Variants in OTOGL observed in about 807,000 individuals in gnomAD.
The protein encoded by OTOGL is otogelin-like protein.
OTOGL carries 285 observed loss-of-function variants against 318.5 expected under a neutral mutation model. That is an observed-to-expected ratio of 0.89 (90% CI 0.81 to 0.99). The LOEUF is 0.99. OTOGL is among the 50% of genes least tolerant of loss of function. The probability of loss-of-function intolerance (pLI) is 0.00; values close to 1 mark genes in which losing one functional copy is unlikely to be tolerated. For synonymous variants in OTOGL, 987 were observed against 936.5 expected, an observed-to-expected ratio of 1.05 and a Z score of -0.99; for missense variants, 2,899 against 2,845.6, an observed-to-expected ratio of 1.02 and a Z score of -0.43.
intron 1 of OTOGL, among the ~76,000 whole-genome samples, chr12:80,142,962 C>T (rs903666621): frequency 7.2e-5 from 11 of 151,990 alleles, no homozygotes; most frequent in Admixed American, 1.3e-4. Context: ...GGACTTGGGA[C>T]CACTCAGGCA....
intron 5 of OTOGL, 27 bp from the exon 6 acceptor site, chr12:80,219,787 T>C (rs377373248): frequency 4.3e-6 from 6 of 1,396,724 alleles, no homozygotes; most frequent in Non-Finnish European, 4.9e-6. Context: ...TGCCAGAAGA[T>C]AACTTTTTTT....
chr12:80,233,092 TG>T lies in OTOGL; in HGVS notation c.813del (p.Gln272LysfsTer59). The T allele has an allele frequency of 6.3e-7, 1 of 1,590,244 alleles. No individual in the cohort carries two copies. The highest frequency in any genetic ancestry group is 8.5e-7 in the Non-Finnish European group (1 of 1,171,700). ...ATTCAATCTGATGATTTCATAATTC[TG>T]CAAGGTAAGTGAAGCAGAATAAATG... ...NDIQSDDFII[L>X]QEDYTEDIAM... On this transcript the variant is annotated frameshift_variant, in exon 9 of 59. Coordinates refer to ENST00000547103, the MANE Select transcript of OTOGL (RefSeq NM_001378609.3). LOFTEE classifies it high-confidence loss of function.
At chr12:80,368,436 C>G (rs914520199) in intron 55 of OTOGL, 127 bp downstream of exon 55, 42 of 503,610 alleles carry the variant, frequency 8.3e-5, no homozygotes, top group Non-Finnish European at 1.5e-4. Context: ...ACCTACAGCA[C>G]ACAAGACACA....
chr12:80,160,634 G>T (rs903862838), intron 1 of OTOGL, among the ~76,000 whole-genome samples: 2 of 152,148 alleles, frequency 1.3e-5, no homozygotes, highest in Non-Finnish European at 2.9e-5. Context: ...CACTGCTGGT[G>T]GGAATGTAAA....
chr12:80,176,360 A>G (rs1007838485), intron 1 of OTOGL, among the ~76,000 whole-genome samples: 2 of 152,114 alleles, frequency 1.3e-5, no homozygotes, highest in Admixed American at 6.6e-5. Flanking sequence ...CATCATTTCC[A>G]TATGTTTCCT....
In OTOGL at chr12:80,314,325, A is replaced by G. The variant is rs1314876123; in HGVS notation, c.3628A>G (p.Asn1210Asp). Residue 1210 changes from asparagine to aspartate, a missense_variant, in exon 32 of 59, where the codon AAT becomes GAT. By Grantham distance (23) the Asn-to-Asp change is conservative. This residue lies in a region of OTOGL where 2,607 missense variants were observed against 2,524.9 expected (regional missense o/e 1.03). Coordinates refer to ENST00000547103, the MANE Select transcript of OTOGL (RefSeq NM_001378609.3). Reference sequence around the variant, plus strand: ...TTTAGCACTTGATTGTGAATACTACAATGAAGGTATGTGACATTCAAATTA... The same window carrying G: ...TTTAGCACTTGATTGTGAATACTACGATGAAGGTATGTGACATTCAAATTA... ...TVCSLDCEYY[N>D]EGLGEGPYML... The G allele has an allele frequency of 4.8e-6, 5 of 1,044,938 alleles. No individual in the cohort carries two copies. Among genetic ancestry groups the G allele is most frequent in the Non-Finnish European group, 5.1e-6 (4 of 780,656 alleles). The allele number at this position is 1,044,938 out of a possible 1,614,324, so 64.7% of individuals were successfully genotyped here.
At chr12:80,148,300 C>T (rs1029589085) in intron 1 of OTOGL, among the ~76,000 whole-genome samples, 12 of 146,210 alleles carry the variant, frequency 8.2e-5, no homozygotes, top group African/African-American at 1.5e-4. Flanking sequence ...TTTTATTTCT[C>T]CTTCACTTAT....
chr12:80,172,319 ACTTCT>A (rs1484881666), intron 1 of OTOGL, among the ~76,000 whole-genome samples: 7 of 152,100 alleles, frequency 4.6e-5, no homozygotes, highest in Non-Finnish European at 1.0e-4. Context: ...AGTATGTTAT[ACTTCT>A]CTTATGTCAT....
chr12:80,198,870 C>G (rs1876268612), intron 1 of OTOGL, among the ~76,000 whole-genome samples: 1 of 152,124 alleles, frequency 6.6e-6, no homozygotes, highest in Admixed American at 6.6e-5. Context: ...CATCCTAGAC[C>G]AAATAGCTAT....
At chr12:80,307,385 C>G (rs549472813) in intron 29 of OTOGL, among the ~76,000 whole-genome samples, 1 of 150,984 alleles carries the variant, frequency 6.6e-6, no homozygotes, top group Admixed American at 6.6e-5. Flanking sequence ...TAGGCGCGGC[C>G]GGGCAGAGGC....
intron 26 of OTOGL, among the ~76,000 whole-genome samples, chr12:80,295,476 CTA>C (rs1378940890): frequency 1.3e-5 from 2 of 152,192 alleles, no homozygotes; most frequent in African/African-American, 4.8e-5. Context: ...CGCGTCTGGC[CTA>C]TGATTGCCAA....
At chr12:80,222,317 G>A in intron 7 of OTOGL, 72 bp downstream of exon 7, 1 of 1,347,008 alleles carries the variant, frequency 7.4e-7, no homozygotes, top group Admixed American at 2.6e-5. Flanking sequence ...AAAGTACTGG[G>A]AAAATGATGC....
intron 11 of OTOGL, among the ~76,000 whole-genome samples, chr12:80,241,953 A>C (rs570879743): frequency 1.5e-3 from 224 of 152,198 alleles, no homozygotes; most frequent in African/African-American, 4.9e-3. Context: ...GAGAAAAAAA[A>C]CCAAAAGGAC....
intron 7 of OTOGL, among the ~76,000 whole-genome samples, chr12:80,222,828 C>T (rs146926923): frequency 7.9e-5 from 12 of 152,230 alleles, no homozygotes; most frequent in Admixed American, 3.3e-4. Context: ...TTATGCTTTC[C>T]CTTTTTACTT....
At position 80,356,569 on chromosome 12, in the gene OTOGL, G is replaced by T. The variant is rs770841773; in HGVS notation, c.5911+49G>T. 5.8e-6 allele frequency: 8 copies of T among 1,373,436 alleles called. No individual in the cohort carries two copies. In the South Asian group the frequency reaches 1.1e-4, roughly 18 times the overall value. 85.1% of individuals were successfully genotyped at this position (1,373,436 alleles called of 1,614,324 possible). ...AAGAGTGAGGTTCATTGTTCATTCAGAACAGTGAATTAGATTCTCATTCAT... is the reference window on the plus strand; with the variant it reads ...AAGAGTGAGGTTCATTGTTCATTCATAACAGTGAATTAGATTCTCATTCAT... On this transcript the variant is annotated intron_variant, in intron 48 of 58. Transcript: ENST00000547103.
intron 32 of OTOGL, among the ~76,000 whole-genome samples, chr12:80,315,507 G>A (rs1886912794): frequency 6.6e-6 from 1 of 152,254 alleles, no homozygotes; most frequent in East Asian, 1.9e-4. Flanking sequence ...GAAGGCGCAG[G>A]CCTCAAAACC....
intron 1 of OTOGL, among the ~76,000 whole-genome samples, chr12:80,181,652 T>G (rs1874929303): frequency 6.6e-6 from 1 of 150,894 alleles, no homozygotes. Context: ...GGCTGTAAAG[T>G]CATAGGCAAC....
intron 26 of OTOGL, among the ~76,000 whole-genome samples, chr12:80,296,485 T>C (rs1224797692): frequency 6.6e-6 from 1 of 152,222 alleles, no homozygotes; most frequent in East Asian, 1.9e-4. Context: ...CTCAAATGAA[T>C]ATTTTTTAAA....
intron 1 of OTOGL, among the ~76,000 whole-genome samples, chr12:80,174,979 TA>T (rs1024889159): frequency 1.1e-4 from 17 of 150,516 alleles, no homozygotes; most frequent in Non-Finnish European, 1.5e-4. Flanking sequence ...GTTTTTAAAA[TA>T]AAAAAAAACT....
Sources: gnomAD v4.1 joint callset for allele counts (sites outside exome capture counted in the v4.1 genomes callset) on GRCh38, gnomAD v4.1.1 for gene constraint, gnomAD v4.1.1 regional missense constraint, MANE v1.5 for transcripts, NCBI Gene and HGNC (gene_info 2026-07-23, HGNC 2026-07-21) for gene names.